Variants in HDAC2 observed in about 807,000 individuals in gnomAD.
HDAC2 encodes the protein histone deacetylase 2, also known as YY1-associated factor 1.
A neutral mutation model predicts 68.5 loss-of-function variants in HDAC2; 5 were observed. The ratio of observed to expected loss-of-function variants is 0.07; its 90% CI spans 0.04 to 0.15. The LOEUF (loss-of-function observed/expected upper bound fraction) is 0.15. HDAC2 is among the 10% of genes least tolerant of loss of function. The probability of loss-of-function intolerance (pLI) is 1.00; values close to 1 mark genes in which losing one functional copy is unlikely to be tolerated. For synonymous variants in HDAC2, 182 were observed against 191.3 expected (o/e 0.95, Z 0.40); for missense variants, 291 against 600.8 (o/e 0.48, Z 5.39).
intron 3 of HDAC2, among the ~76,000 whole-genome samples, chr6:113,957,694 G>C (rs1166413020): frequency 6.6e-6 from 1 of 151,856 alleles, no homozygotes; most frequent in Non-Finnish European, 1.5e-5. Context: ...TGCCATGTTG[G>C]CCAGGCTGGT....
intron 6 of HDAC2, among the ~76,000 whole-genome samples, chr6:113,952,683 G>T (rs1776447756): frequency 6.6e-6 from 1 of 152,090 alleles, no homozygotes; most frequent in African/African-American, 2.4e-5. Context: ...TATAGAAATA[G>T]GATTTGACCA....
chr6:113,963,560 G>T (rs1776741941), intron 1 of HDAC2, among the ~76,000 whole-genome samples: 1 of 152,134 alleles, frequency 6.6e-6, no homozygotes, highest in African/African-American at 2.4e-5. Context: ...TCCAAAATCT[G>T]AACTGTTTTG....
At chr6:113,944,191 A>G in intron 11 of HDAC2, 89 bp downstream of exon 11, 8 of 1,115,550 alleles carry the variant, frequency 7.2e-6, no homozygotes, top group South Asian at 6.4e-5. Context: ...GCTCGTGAAC[A>G]TGACTTTATA....
intron 1 of HDAC2, among the ~76,000 whole-genome samples, chr6:113,961,930 C>T (rs1776692532): frequency 6.6e-6 from 1 of 152,086 alleles, no homozygotes; most frequent in African/African-American, 2.4e-5. Context: ...CATCTATCTG[C>T]CTCTGTGTAA....
intron 1 of HDAC2, chr6:113,962,486 C>A (rs890833915): frequency 5.0e-6 from 1 of 199,662 alleles, no homozygotes; most frequent in Non-Finnish European, 9.0e-6. Context: ...AGAAACTGTA[C>A]CTAATATATC....
chr6:113,969,339 G>A (rs1400333368), intron 1 of HDAC2, among the ~76,000 whole-genome samples: 3 of 152,158 alleles, frequency 2.0e-5, no homozygotes, highest in African/African-American at 4.8e-5. Flanking sequence ...AATGACACAG[G>A]TGGTTATTTT....
intron 1 of HDAC2, among the ~76,000 whole-genome samples, chr6:113,964,321 C>T (rs1202174146): frequency 4.6e-5 from 7 of 151,820 alleles, no homozygotes; most frequent in Admixed American, 4.6e-4. Flanking sequence ...ACTACTTAGC[C>T]CACTATCCAT....
chr6:113,946,299 G>A, intron 8 of HDAC2, 151 bp from the exon 9 acceptor site: 1 of 582,676 alleles, frequency 1.7e-6, no homozygotes, highest in Non-Finnish European at 2.9e-6. Flanking sequence ...AAAATGTCAA[G>A]TCTAAAACTC....
At chr6:113,950,461 C>T (rs1448924570) in intron 6 of HDAC2, among the ~76,000 whole-genome samples, 1 of 151,588 alleles carries the variant, frequency 6.6e-6, no homozygotes, top group Non-Finnish European at 1.5e-5. Context: ...GCTCACTGCA[C>T]TCCAGTGAGC....
At chr6:113,953,003 A>G (rs1776458895) in intron 6 of HDAC2, among the ~76,000 whole-genome samples, 1 of 152,212 alleles carries the variant, frequency 6.6e-6, no homozygotes, top group Non-Finnish European at 1.5e-5. Context: ...CAAACTGAAC[A>G]TCAAGAGAAG....
At chr6:113,951,404 A>G (rs1776411128) in intron 6 of HDAC2, among the ~76,000 whole-genome samples, 2 of 152,218 alleles carry the variant, frequency 1.3e-5, no homozygotes, top group Admixed American at 6.5e-5. Context: ...TAATTCTCTT[A>G]CGAAGTTATG....
At position 113,933,849 on chromosome 6, in the gene HDAC2, CTT is replaced by C. The variant is rs1410014865; in HGVS notation, c.*7207_*7208del. On this transcript the variant is annotated 3_prime_UTR_variant, in exon 14 of 14. Transcript: ENST00000519065. ...TATACATATATATAGAAGGAATTCT[CTT>C]TCTTTTATCCCTTATTCCAATCCTG... The C allele has an allele frequency of 1.3e-5, 2 of 151,582 alleles. No individual in the cohort carries two copies. Among genetic ancestry groups the C allele is most frequent in the Non-Finnish European group, 2.9e-5 (2 of 67,824 alleles). The allele number at this position is 151,582 out of a possible 1,614,324, so 9.4% of individuals were successfully genotyped here.
chr6:113,955,740 G>A (rs1776537604), intron 5 of HDAC2, among the ~76,000 whole-genome samples: 1 of 151,426 alleles, frequency 6.6e-6, no homozygotes, highest in African/African-American at 2.4e-5. Context: ...CAAACTCCTG[G>A]GCTCAAGAGA....
In HDAC2 at chr6:113,944,212, T is replaced by C. The variant is rs1776215229; in HGVS notation, c.1222+68A>G. The C allele has an allele frequency of 1.7e-5, 22 of 1,323,218 alleles. No individual in the cohort carries two copies. The Middle Eastern group carries it at 5.5e-4, about 33-fold the overall frequency. The allele number at this position is 1,323,218 out of a possible 1,614,324, so 82.0% of individuals were successfully genotyped here. ...GAACATGACTTTATAGTGAAGTTCT[T>C]AGGCCACTAAAACCTTCCATTTCAA... On this transcript the variant is annotated intron_variant, in intron 11 of 13. Transcript: ENST00000519065.
chr6:113,958,543 C>T (rs751616742), intron 3 of HDAC2, 106 bp downstream of exon 3: 1 of 634,244 alleles, frequency 1.6e-6, no homozygotes, highest in Non-Finnish European at 2.7e-6. Flanking sequence ...ATAACTGTAA[C>T]ATATTAGACC....
In HDAC2 at chr6:113,933,112, C is replaced by T. The variant is rs909675771; in HGVS notation, c.*7946G>A. On this transcript the variant is annotated 3_prime_UTR_variant, in exon 14 of 14. Coordinates refer to ENST00000519065, the MANE Select transcript of HDAC2 (RefSeq NM_001527.4). ...GCCAGTATCCTTGGGGGAAATTATA[C>T]GTAATTGCTAAAATGTTGACATCAA... 3 of 152,112 alleles carry T rather than the reference C, an allele frequency of 2.0e-5. No homozygotes were observed. Among genetic ancestry groups the T allele is most frequent in the Admixed American group, 6.5e-5 (1 of 15,274 alleles). The allele number at this position is 152,112 out of a possible 1,614,324, so 9.4% of individuals were successfully genotyped here. A position where few individuals can be genotyped will look rare whatever the true frequency, so the allele number is the denominator to read the frequency against.
Position 113,970,489 on chromosome 6 carries a change from C to T in HDAC2, c.52+368G>A, listed in dbSNP as rs112861547. 2.1e-5 allele frequency: 23 copies of T among 1,121,576 alleles called. No individual in the cohort carries two copies. In the African/African-American group the frequency reaches 3.1e-4, roughly 15 times the overall value. The allele number at this position is 1,121,576 out of a possible 1,614,324, so 69.5% of individuals were successfully genotyped here. On this transcript the variant is annotated intron_variant, in intron 1 of 13. Transcript: ENST00000519065. ...GCGGGGCACCCCAAACCTGCGTTGC[C>T]ACGAATGGTGGGCGGGAGAAGGGAG...
Sources: allele counts gnomAD v4.1 joint callset (sites outside exome capture counted in the v4.1 genomes callset), GRCh38; gene constraint gnomAD v4.1.1; transcripts MANE v1.5; gene names NCBI Gene and HGNC (gene_info 2026-07-23, HGNC 2026-07-21).